GLIPR1L2: variants seen among roughly 807,000 people sequenced by gnomAD.
GLIPR1L2 encodes GLIPR1 like 2.
GLIPR1L2 carries 21 observed loss-of-function variants against 28.4 expected under a neutral mutation model. That is an observed-to-expected ratio of 0.74 (90% CI 0.52 to 1.06). The LOEUF is 1.06. GLIPR1L2 is among the 50% of genes least tolerant of loss of function. GLIPR1L2 has a pLI of 0.00. For missense variants in GLIPR1L2, 476 were observed against 416.9 expected, an observed-to-expected ratio of 1.14 and a Z score of -1.23; for synonymous variants, 145 against 139.3, an observed-to-expected ratio of 1.04 and a Z score of -0.29.
At chr12:75,398,307 C>G (rs899647845) in intron 1 of GLIPR1L2, among the ~76,000 whole-genome samples, 2 of 114,148 alleles carry the variant, frequency 1.8e-5, no homozygotes, top group African/African-American at 7.2e-5. Flanking sequence ...CCAGCCTGGG[C>G]GATAGAATGA....
Position 75,413,700 on chromosome 12 carries a change from G to C in GLIPR1L2, c.583G>C (p.Gly195Arg). ...AATTTTCATATGCAACTATGCGCCA[G>C]GGTAAGTTACTTAAAATTAATAAAA... ...AAIFICNYAP[G>R]GTLTRRPYEP... Residue 195 changes from glycine (G) to arginine (R), a missense_variant and splice_region_variant, in exon 3 of 6, where the codon GGA (glycine) becomes CGA (arginine). Physicochemically the swap from Gly to Arg is moderately radical, Grantham distance 125. Coordinates refer to ENST00000550916, the MANE Select transcript of GLIPR1L2 (RefSeq NM_001270396.2). 7.2e-7 allele frequency: 1 copy of C among 1,380,164 alleles called. No individual in the cohort carries two copies. The highest frequency in any genetic ancestry group is 1.6e-5 in the South Asian group (1 of 61,872). The allele number at this position is 1,380,164 out of a possible 1,614,324, so 85.5% of individuals were successfully genotyped here. A position where few individuals can be genotyped will look rare whatever the true frequency, so the allele number is the denominator to read the frequency against.
intron 1 of GLIPR1L2, among the ~76,000 whole-genome samples, chr12:75,393,477 A>G (rs2045652149): frequency 6.6e-6 from 1 of 152,132 alleles, no homozygotes; most frequent in South Asian, 2.1e-4. Flanking sequence ...GGTACCAAAT[A>G]TAAGTGGAAT....
intron 4 of GLIPR1L2, among the ~76,000 whole-genome samples, chr12:75,428,120 T>C (rs1049983032): frequency 7.9e-5 from 12 of 152,100 alleles, no homozygotes; most frequent in Non-Finnish European, 1.8e-4. Flanking sequence ...TGTGGGAAAG[T>C]TTGGAACTTT....
chr12:75,392,464 T>C (rs1454373574), intron 1 of GLIPR1L2, among the ~76,000 whole-genome samples: 1 of 152,230 alleles, frequency 6.6e-6, no homozygotes, highest in African/African-American at 2.4e-5. Flanking sequence ...CCTTTTATAT[T>C]GTCAGCATTT....
chr12:75,394,136 A>G (rs1181048203), intron 1 of GLIPR1L2, among the ~76,000 whole-genome samples: 1 of 152,060 alleles, frequency 6.6e-6, no homozygotes, highest in Non-Finnish European at 1.5e-5. Flanking sequence ...GTTGAATTAT[A>G]GGAATTTTTA....
intron 1 of GLIPR1L2, among the ~76,000 whole-genome samples, chr12:75,398,876 A>G (rs1445776233): frequency 6.6e-6 from 1 of 152,168 alleles, no homozygotes; most frequent in Non-Finnish European, 1.5e-5. Context: ...TTGAATATAT[A>G]TGTGATTATC....
intron 1 of GLIPR1L2, among the ~76,000 whole-genome samples, chr12:75,399,194 T>G (rs1191820884): frequency 1.3e-5 from 2 of 152,190 alleles, no homozygotes; most frequent in African/African-American, 4.8e-5. Flanking sequence ...AAAGCCTCAC[T>G]AAGTAAAATA....
In GLIPR1L2 at chr12:75,391,458, A is replaced by T. The variant is rs531419836; in HGVS notation, c.234+108A>T. On this transcript the variant is annotated intron_variant, in intron 1 of 5. Transcript: ENST00000550916. ...CTCTGAGGCTGAAGGATCGCGGAGAACCGCACTTTTAGCTTGGTTTTTAAA... is the reference window on the plus strand; with the variant it reads ...CTCTGAGGCTGAAGGATCGCGGAGATCCGCACTTTTAGCTTGGTTTTTAAA... 5.1e-6 allele frequency: 8 copies of T among 1,580,746 alleles called. No individual in the cohort carries two copies. In the South Asian group the frequency reaches 6.8e-5, roughly 14 times the overall value.
chr12:75,430,643 G>A, intron 4 of GLIPR1L2, 72 bp from the exon 5 acceptor site: 7 of 1,356,660 alleles, frequency 5.2e-6, no homozygotes, highest in Non-Finnish European at 7.0e-6. Context: ...CACTATTATT[G>A]GGAGATTATC....
At chr12:75,419,829 C>CT (rs1427230798) in intron 3 of GLIPR1L2, among the ~76,000 whole-genome samples, 1 of 152,190 alleles carries the variant, frequency 6.6e-6, no homozygotes, top group East Asian at 1.9e-4. Flanking sequence ...AGAGTTCATA[C>CT]TTTCGTTGAC....
At chr12:75,398,765 A>G (rs761441739) in intron 1 of GLIPR1L2, among the ~76,000 whole-genome samples, 1 of 152,142 alleles carries the variant, frequency 6.6e-6, no homozygotes, top group African/African-American at 2.4e-5. Flanking sequence ...CAATGTTAAC[A>G]TTTTCTAACA....
In GLIPR1L2 at chr12:75,401,191, T is replaced by C. The variant is rs550740597; in HGVS notation, c.235-9243T>C. Among the ~76,000 whole-genome samples, 9 of 151,810 alleles carry C rather than the reference T, an allele frequency of 5.9e-5. No homozygotes were observed. In the South Asian group the frequency reaches 1.9e-3, roughly 31 times the overall value. ...CATAAAATAATATTTTAAAATAAAC[T>C]AAATATGTTATCATAAATATGAGTG... On this transcript the variant is annotated intron_variant, in intron 1 of 5. Coordinates refer to ENST00000550916, the MANE Select transcript of GLIPR1L2 (RefSeq NM_001270396.2).
At chr12:75,396,785 C>A (rs980735643) in intron 1 of GLIPR1L2, among the ~76,000 whole-genome samples, 9 of 152,162 alleles carry the variant, frequency 5.9e-5, no homozygotes, top group African/African-American at 1.9e-4. Context: ...TTAAAGTCCT[C>A]CAGATGATTC....
At chr12:75,429,142 G>C (rs1343041739) in intron 4 of GLIPR1L2, among the ~76,000 whole-genome samples, 2 of 152,182 alleles carry the variant, frequency 1.3e-5, no homozygotes, top group Non-Finnish European at 2.9e-5. Context: ...TATGTGCCTG[G>C]AAAAGCCACA....
chr12:75,426,702 G>A (rs532034410), intron 4 of GLIPR1L2, among the ~76,000 whole-genome samples: 1 of 152,158 alleles, frequency 6.6e-6, no homozygotes, highest in African/African-American at 2.4e-5. Flanking sequence ...ACGTAAAGGG[G>A]GAAAATTCAG....
At chr12:75,405,530 G>T (rs1003891866) in intron 1 of GLIPR1L2, among the ~76,000 whole-genome samples, 1 of 152,096 alleles carries the variant, frequency 6.6e-6, no homozygotes, top group Non-Finnish European at 1.5e-5. Context: ...CTGAGTAATT[G>T]ATCACAGGTT....
At position 75,393,014 on chromosome 12, in the gene GLIPR1L2, T is replaced by G. The variant is rs186235292; in HGVS notation, c.234+1664T>G. 1.2e-3 allele frequency among the ~76,000 whole-genome samples: 175 copies of G among 152,166 alleles called. 1 individual carries two copies. The highest frequency in any genetic ancestry group is 3.8e-3 in the African/African-American group (160 of 41,560). On this transcript the variant is annotated intron_variant, in intron 1 of 5. Coordinates refer to ENST00000550916, the MANE Select transcript of GLIPR1L2 (RefSeq NM_001270396.2). ...TAGCAGATTTGGACATCACTCAGCT[T>G]ATTTAAACTCTTTTATTGGTTATTT...
At chr12:75,406,573 A>G (rs2045802290) in intron 1 of GLIPR1L2, among the ~76,000 whole-genome samples, 1 of 151,866 alleles carries the variant, frequency 6.6e-6, no homozygotes, top group Non-Finnish European at 1.5e-5. Flanking sequence ...CTTTGGCAAT[A>G]TGGTGACACC....
chr12:75,419,871 T>G (rs2045959744), intron 3 of GLIPR1L2, among the ~76,000 whole-genome samples: 1 of 152,204 alleles, frequency 6.6e-6, no homozygotes, highest in African/African-American at 2.4e-5. Flanking sequence ...GTCATGGAAT[T>G]TTTGGCAAAG....
Sources: allele counts gnomAD v4.1 joint callset (sites outside exome capture counted in the v4.1 genomes callset), GRCh38; gene constraint gnomAD v4.1.1; transcripts MANE v1.5; gene names NCBI Gene and HGNC (gene_info 2026-07-23, HGNC 2026-07-21).